Variants in DGCR2 observed in about 807,000 individuals in gnomAD.
DGCR2 encodes the protein DiGeorge syndrome critical region gene 2.
Under a neutral mutation model 51.6 loss-of-function variants are expected in DGCR2, and 24 were observed. That is an observed-to-expected ratio of 0.47 (90% CI 0.34 to 0.65). The LOEUF (loss-of-function observed/expected upper bound fraction) is 0.65. Ranked by LOEUF, DGCR2 falls within the 30% of genes least tolerant of loss-of-function variation. The pLI is 0.01. For missense variants in DGCR2, 765 were observed against 772.1 expected (o/e 0.99, Z 0.11); for synonymous variants, 340 against 315.4 (o/e 1.08, Z -0.82).
intron 2 of DGCR2, among the ~76,000 whole-genome samples, chr22:19,077,375 G>C (rs2082890087): frequency 6.6e-6 from 1 of 152,176 alleles, no homozygotes; most frequent in East Asian, 1.9e-4. Context: ...CATTAGCTAA[G>C]GGTCTAACTT....
At chr22:19,041,008 C>T (rs202206617) in intron 9 of DGCR2, 50 bp downstream of exon 9, 25 of 1,485,464 alleles carry the variant, frequency 1.7e-5, no homozygotes, top group Admixed American at 7.5e-5. Context: ...CTCAGCCCCA[C>T]GTGCCAGGTT....
chr22:19,044,028 T>C (rs944296020), intron 7 of DGCR2, among the ~76,000 whole-genome samples: 15 of 152,218 alleles, frequency 9.9e-5, no homozygotes, highest in African/African-American at 3.6e-4. Context: ...ACGTGCCTGT[T>C]CATTGGAGGC....
At chr22:19,061,516 C>A (rs897902240) in intron 5 of DGCR2, 2 of 152,240 alleles carry the variant, frequency 1.3e-5, no homozygotes, top group African/African-American at 4.8e-5. Context: ...CCACTCATTT[C>A]TTGAATTGTC....
At chr22:19,118,643 C>G (rs2083398929) in intron 1 of DGCR2, among the ~76,000 whole-genome samples, 1 of 152,184 alleles carries the variant, frequency 6.6e-6, no homozygotes, top group South Asian at 2.1e-4. Flanking sequence ...TCTACCTTAC[C>G]AAGGGGCCTA....
intron 1 of DGCR2, among the ~76,000 whole-genome samples, chr22:19,099,814 CAA>C (rs751981214): frequency 6.6e-6 from 1 of 151,392 alleles, no homozygotes; most frequent in Admixed American, 6.6e-5. Flanking sequence ...ACTAAAAATA[CAA>C]AAAAATTAGC....
At chr22:19,105,117 A>T (rs2083248256) in intron 1 of DGCR2, among the ~76,000 whole-genome samples, 1 of 152,146 alleles carries the variant, frequency 6.6e-6, no homozygotes, top group South Asian at 2.1e-4. Flanking sequence ...GAGGCCAGGA[A>T]TTCAAGACCA....
intron 5 of DGCR2, among the ~76,000 whole-genome samples, chr22:19,059,479 G>A (rs1302893467): frequency 1.3e-5 from 2 of 151,966 alleles, no homozygotes; most frequent in African/African-American, 2.4e-5. Flanking sequence ...CAAACATCCC[G>A]CTCTTCCTGA....
At chr22:19,113,206 C>A (rs1489142223) in intron 1 of DGCR2, among the ~76,000 whole-genome samples, 1 of 151,994 alleles carries the variant, frequency 6.6e-6, no homozygotes, top group Non-Finnish European at 1.5e-5. Context: ...CCCATCTTTA[C>A]TAAAAATACA....
At chr22:19,044,551 T>C (rs1299133366) in intron 7 of DGCR2, among the ~76,000 whole-genome samples, 1 of 152,212 alleles carries the variant, frequency 6.6e-6, no homozygotes, top group Admixed American at 6.5e-5. Flanking sequence ...TCACCATGCC[T>C]CTGGGAACCT....
intron 7 of DGCR2, among the ~76,000 whole-genome samples, chr22:19,042,338 C>T (rs1054145073): frequency 6.6e-6 from 1 of 152,240 alleles, no homozygotes; most frequent in East Asian, 1.9e-4. Flanking sequence ...TGCAGAGGTG[C>T]ACATCCTTTT....
At position 19,038,710 on chromosome 22, in the gene DGCR2, G is replaced by T; in HGVS notation, c.*155C>A. The T allele has an allele frequency of 1.0e-6, 1 of 998,556 alleles. No individual in the cohort carries two copies. The highest frequency in any genetic ancestry group is 1.7e-5 in the South Asian group (1 of 59,954). The allele number at this position is 998,556 out of a possible 1,614,324, so 61.9% of individuals were successfully genotyped here. A position where few individuals can be genotyped will look rare whatever the true frequency, so the allele number is the denominator to read the frequency against. On this transcript the variant is annotated 3_prime_UTR_variant, in exon 10 of 10. Transcript: ENST00000263196. The stretch of plus-strand genomic sequence containing the variant: ...CCATCACTTCTTTTGGCAGAAGGCG[G>T]GCTGTGGTCTCTATGTACACACGCG...
chr22:19,097,219 T>A (rs1335235386), intron 1 of DGCR2, among the ~76,000 whole-genome samples: 1 of 151,944 alleles, frequency 6.6e-6, no homozygotes, highest in Non-Finnish European at 1.5e-5. Context: ...TTCCTATATA[T>A]CAGTATATAG....
rs2082614655 is a variant in DGCR2 at position 19,057,303 on chromosome 22, G to A, written c.626-141C>T. 4.1e-6 allele frequency: 4 copies of A among 982,342 alleles called. No homozygotes were observed. The East Asian group carries it at 1.1e-4, about 27-fold the overall frequency. The allele number at this position is 982,342 out of a possible 1,614,324, so 60.9% of individuals were successfully genotyped here. Reference sequence around the variant, plus strand: ...AAGTACTGGTGGTCACTGTGGCCAGGTGTTCACTCGGGACTCCCCAACCTC... The same window carrying A: ...AAGTACTGGTGGTCACTGTGGCCAGATGTTCACTCGGGACTCCCCAACCTC... On this transcript the variant is annotated intron_variant, in intron 5 of 9. Transcript: ENST00000263196. The surrounding 1 kb of genome is among the most constrained non-coding windows in gnomAD (Gnocchi z 5.1).
chr22:19,087,217 C>T (rs1375452766), intron 2 of DGCR2, among the ~76,000 whole-genome samples: 1 of 152,072 alleles, frequency 6.6e-6, no homozygotes, highest in Non-Finnish European at 1.5e-5. Flanking sequence ...TGGGCTTTGA[C>T]CCCAAAGACC....
intron 7 of DGCR2, 41 bp downstream of exon 7, chr22:19,048,399 A>C: frequency 2.5e-6 from 4 of 1,608,570 alleles, no homozygotes; most frequent in Non-Finnish European, 3.4e-6. Flanking sequence ...TCCAGCCCCA[A>C]ATAGGGAGGC....
intron 1 of DGCR2, among the ~76,000 whole-genome samples, chr22:19,117,236 G>A (rs2083383035): frequency 6.6e-6 from 1 of 152,250 alleles, no homozygotes; most frequent in African/African-American, 2.4e-5. Flanking sequence ...GAAGGGGTGG[G>A]GAAAGTGCCC....
intron 1 of DGCR2, among the ~76,000 whole-genome samples, chr22:19,104,109 T>C (rs554411024): frequency 6.6e-6 from 1 of 152,138 alleles, no homozygotes; most frequent in Admixed American, 6.5e-5. Context: ...TATCAAATAG[T>C]GTCTGGAAAT....
chr22:19,062,154 A>T (rs2082670448), intron 5 of DGCR2, among the ~76,000 whole-genome samples: 1 of 152,248 alleles, frequency 6.6e-6, no homozygotes. Flanking sequence ...TTGATTAGTC[A>T]ATAGCAATCT....
chr22:19,051,049 C>T (rs1436608176), intron 6 of DGCR2, among the ~76,000 whole-genome samples: 3 of 151,748 alleles, frequency 2.0e-5, no homozygotes, highest in Non-Finnish European at 2.9e-5. Context: ...ATTAGCCAGG[C>T]GTGGTGGCTC....
Sources: allele counts gnomAD v4.1 joint callset (sites outside exome capture counted in the v4.1 genomes callset), GRCh38; gene constraint gnomAD v4.1.1; non-coding constraint Gnocchi (gnomAD v3.1); transcripts MANE v1.5; gene names NCBI Gene and HGNC (gene_info 2026-07-23, HGNC 2026-07-21).